The following SHANK2 variants were observed in gnomAD, a reference collection of about 807,000 sequenced individuals.
SHANK2 encodes SH3 and multiple ankyrin repeat domains 2, also known as SH3 and multiple ankyrin repeat domains protein 2.
SHANK2 carries 43 observed loss-of-function variants against 133.7 expected under a neutral mutation model. The ratio of observed to expected loss-of-function variants is 0.32; its 90% CI spans 0.25 to 0.41. The LOEUF (loss-of-function observed/expected upper bound fraction) is 0.41, where lower values mean the gene tolerates loss of function less well. Among genes scored for constraint, SHANK2 ranks in the 10% least tolerant of loss-of-function variants. The pLI is 1.00. For missense variants in SHANK2, 1,994 were observed against 2,235.8 expected, an observed-to-expected ratio of 0.89 and a Z score of 2.18; for synonymous variants, 1,017 against 952.8, an observed-to-expected ratio of 1.07 and a Z score of -1.24.
At chr11:70,941,282 GCA>G (rs1240792521) in intron 10 of SHANK2, among the ~76,000 whole-genome samples, 1 of 152,108 alleles carries the variant, frequency 6.6e-6, no homozygotes, top group Non-Finnish European at 1.5e-5. Context: ...TCCACACACT[GCA>G]CAAAAATGGA....
intron 17 of SHANK2, among the ~76,000 whole-genome samples, chr11:70,529,567 T>C: frequency 6.6e-6 from 1 of 152,238 alleles, no homozygotes; most frequent in East Asian, 1.9e-4. Flanking sequence ...TGTGGTAAAA[T>C]ACACGTGGCC....
rs782771472 is a variant in SHANK2 at position 70,661,552 on chromosome 11, C to CAAAA, written c.1936+43_1936+44insTTTT. 60 of 1,225,396 alleles carry CAAAA rather than the reference C, an allele frequency of 4.9e-5. No homozygotes were observed. In the African/African-American group the frequency reaches 9.2e-4, roughly 19 times the overall value. The allele number at this position is 1,225,396 out of a possible 1,614,324, so 75.9% of individuals were successfully genotyped here. A position where few individuals can be genotyped will look rare whatever the true frequency, so the allele number is the denominator to read the frequency against. ...ACACACACACACACACACACACACACACAAACATGGGAACATATTCAGGCT... is the reference window on the plus strand; with the variant it reads ...ACACACACACACACACACACACACACAAAAACAAACATGGGAACATATTCAGGCT... On this transcript the variant is annotated intron_variant, in intron 16 of 25. Coordinates refer to ENST00000601538, the MANE Select transcript of SHANK2 (RefSeq NM_012309.5).
chr11:70,653,175 A>G (rs2061358073), intron 17 of SHANK2, among the ~76,000 whole-genome samples: 1 of 151,910 alleles, frequency 6.6e-6, no homozygotes, highest in Non-Finnish European at 1.5e-5. Context: ...GGGTTTCACC[A>G]TGTTAGCCAG....
At chr11:70,764,251 A>C (rs1398419514) in intron 14 of SHANK2, among the ~76,000 whole-genome samples, 1 of 146,032 alleles carries the variant, frequency 6.8e-6, no homozygotes, top group Non-Finnish European at 1.5e-5. Flanking sequence ...CCATGCATCC[A>C]TCCATCCATC....
At chr11:70,946,206 G>A (rs72957615) in intron 10 of SHANK2, among the ~76,000 whole-genome samples, 29,176 of 75,562 alleles carry the variant, frequency 0.39, 7,462 homozygotes, top group African/African-American at 0.69. Context: ...CTCCCTCTCC[G>A]CTAACCAACT....
chr11:70,867,083 GC>G (rs1329369589), intron 11 of SHANK2, among the ~76,000 whole-genome samples: 2 of 149,318 alleles, frequency 1.3e-5, no homozygotes, highest in Admixed American at 1.3e-4. Context: ...GGACCTCGTA[GC>G]CCAGAGGGAT....
At chr11:70,560,498 T>G (rs941300444) in intron 17 of SHANK2, among the ~76,000 whole-genome samples, 114 of 119,064 alleles carry the variant, frequency 9.6e-4, no homozygotes, top group African/African-American at 3.5e-3. Context: ...TTTTTTTTTT[T>G]TTTTTTTTTT....
chr11:70,724,794 T>A (rs1452702006), intron 14 of SHANK2, among the ~76,000 whole-genome samples: 1 of 152,212 alleles, frequency 6.6e-6, no homozygotes, highest in East Asian at 1.9e-4. Flanking sequence ...TCCGGAAATG[T>A]CACCTGCTCA....
chr11:70,480,370 C>T (rs1204142096), intron 25 of SHANK2, among the ~76,000 whole-genome samples: 8 of 152,182 alleles, frequency 5.3e-5, no homozygotes, highest in East Asian at 1.9e-4. Context: ...CATCCTAGTC[C>T]GCCCTTTCTG....
intron 2 of SHANK2, among the ~76,000 whole-genome samples, chr11:71,195,789 A>T (rs1399833622): frequency 6.6e-6 from 1 of 152,224 alleles, no homozygotes; most frequent in Non-Finnish European, 1.5e-5. Context: ...AATCACACAT[A>T]ACAAAAATAC....
At chr11:70,951,887 T>C (rs1555086741) in intron 10 of SHANK2, among the ~76,000 whole-genome samples, 1 of 152,226 alleles carries the variant, frequency 6.6e-6, no homozygotes, top group African/African-American at 2.4e-5. Flanking sequence ...GTTCTAACCC[T>C]TGTGTGTCTG....
chr11:70,732,392 C>A (rs1946310010), intron 14 of SHANK2, among the ~76,000 whole-genome samples: 1 of 152,194 alleles, frequency 6.6e-6, no homozygotes, highest in Non-Finnish European at 1.5e-5. Context: ...GGCTCTGGAC[C>A]AGTCTCCCCA....
chr11:71,193,653 C>G (rs1953838975), intron 2 of SHANK2, among the ~76,000 whole-genome samples: 2 of 152,222 alleles, frequency 1.3e-5, no homozygotes. Flanking sequence ...TGCTCCGGCC[C>G]TGGGCACCTG....
At chr11:71,081,554 G>A (rs970052465) in intron 8 of SHANK2, among the ~76,000 whole-genome samples, 2 of 152,166 alleles carry the variant, frequency 1.3e-5, no homozygotes, top group Non-Finnish European at 2.9e-5. Flanking sequence ...ACCTGCCAAA[G>A]TGCAGAGGGT....
chr11:70,574,687 G>C (rs991570888), intron 17 of SHANK2, among the ~76,000 whole-genome samples: 8 of 152,252 alleles, frequency 5.3e-5, no homozygotes, highest in Admixed American at 2.0e-4. Flanking sequence ...TGGCTCTGAT[G>C]GGATCCACCC....
intron 17 of SHANK2, among the ~76,000 whole-genome samples, chr11:70,503,668 C>T (rs931544291): frequency 6.6e-6 from 1 of 152,226 alleles, no homozygotes; most frequent in African/African-American, 2.4e-5. Context: ...TACCTCCTGC[C>T]CTATTTGTCC....
At chr11:71,171,213 G>C (rs2135508897) in intron 2 of SHANK2, among the ~76,000 whole-genome samples, 1 of 152,326 alleles carries the variant, frequency 6.6e-6, no homozygotes, top group East Asian at 1.9e-4. Context: ...GGGTGGGCTT[G>C]TCAGGGGGCT....
At chr11:70,893,234 T>C (rs1302299593) in intron 11 of SHANK2, among the ~76,000 whole-genome samples, 1 of 152,226 alleles carries the variant, frequency 6.6e-6, no homozygotes, top group African/African-American at 2.4e-5. Flanking sequence ...GGCAGCTTTC[T>C]TAAACAATGG....
intron 12 of SHANK2, among the ~76,000 whole-genome samples, chr11:70,812,393 C>A (rs1565333963): frequency 6.6e-6 from 1 of 152,186 alleles, no homozygotes; most frequent in Non-Finnish European, 1.5e-5. Context: ...TTAATTTGAA[C>A]CTCAAAAAGT....
Sources: allele counts gnomAD v4.1 joint callset (sites outside exome capture counted in the v4.1 genomes callset), GRCh38; gene constraint gnomAD v4.1.1; transcripts MANE v1.5; gene names NCBI Gene and HGNC (gene_info 2026-07-23, HGNC 2026-07-21).